Variants in TKTL2 observed in about 807,000 individuals in gnomAD.
TKTL2 encodes transketolase-like protein 2.
For missense variants in TKTL2, 825 were observed against 799.4 expected (o/e 1.03, Z -0.39); for synonymous variants, 259 against 294.1 (o/e 0.88, Z 1.22).
chr4:163,472,559 AG>A lies in TKTL2; in HGVS notation c.1175del (p.Ala392ValfsTer47). On this transcript the variant is annotated frameshift_variant, in exon 1 of 1. Transcript: ENST00000280605. LOFTEE classifies it low-confidence loss of function (END_TRUNC). Reference protein sequence around the residue: ...TRGRTIAFAGAFAAFFTRAFD... With the variant: ...TRGRTIAFAGXFAAFFTRAFD... ...ATGCTCTAGTAAAAAAGGCAGCAAA[AG>A]CACCAGCAAAAGCAATGGTTCGACC... 1 of 1,614,182 alleles carries A rather than the reference AG, an allele frequency of 6.2e-7. No individual in the cohort carries two copies. Among genetic ancestry groups the A allele is most frequent in the Non-Finnish European group, 8.5e-7 (1 of 1,180,040 alleles).
rs892515607 is a variant in TKTL2 at position 163,473,523 on chromosome 4, C to T, written c.212G>A (p.Arg71Gln). 6 of 1,613,838 alleles carry T rather than the reference C, an allele frequency of 3.7e-6. No homozygotes were observed. Among genetic ancestry groups the T allele is most frequent in the African/African-American group, 1.3e-5 (1 of 74,884 alleles). Residue 71 changes from arginine (R) to glutamine (Q), a missense_variant, in exon 1 of 1, where the codon CGG becomes CAG. Physicochemically the swap from Arg to Gln is conservative, Grantham distance 43 (BLOSUM62 1). Coordinates refer to ENST00000280605, the MANE Select transcript of TKTL2 (RefSeq NM_032136.5). Reference sequence around the variant, plus strand: ...AGCATGTCCCCTGGAGAGGATGAACCGGTCGTTGTCCGGGTGTTCTGGGTC... The same window carrying T: ...AGCATGTCCCCTGGAGAGGATGAACTGGTCGTTGTCCGGGTGTTCTGGGTC... Reference protein sequence around the residue: ...QTDPEHPDNDRFILSRGHAAP... With the variant: ...QTDPEHPDNDQFILSRGHAAP...
Position 163,471,605 on chromosome 4 carries a change from A to G in TKTL2, c.*249T>C. 1 of 302,542 alleles carries G rather than the reference A, an allele frequency of 3.3e-6. No individual in the cohort carries two copies. The highest frequency in any genetic ancestry group is 6.0e-6 in the Non-Finnish European group (1 of 166,694). The allele number at this position is 302,542 out of a possible 1,614,324, so 18.7% of individuals were successfully genotyped here. A position where few individuals can be genotyped will look rare whatever the true frequency, so the allele number is the denominator to read the frequency against. On this transcript the variant is annotated 3_prime_UTR_variant, in exon 1 of 1. Transcript: ENST00000280605. ...AGGTAGTTGTTTTATTTCCTATTCT[A>G]TTGCTTACAATTTTAAAATCCACAT...
rs745756119 is a variant in TKTL2, at chr4:163,473,447, A to T, written c.288T>A (p.Ser96=). 7.4e-6 allele frequency: 12 copies of T among 1,614,016 alleles called. No individual in the cohort carries two copies. Among genetic ancestry groups the T allele is most frequent in the Non-Finnish European group, 1.0e-5 (12 of 1,180,016 alleles). The change falls in exon 1 of 1, where the codon TCT becomes TCA. Residue 96 remains serine, a synonymous_variant. Transcript: ENST00000280605. ...GAAGTTTCCTCAGGTTCAGCAAGTC[A>T]GATTCACTGATGTCACCCACCTCCA... ...AWVEVGDISE[S]DLLNLRKLHS...
At position 163,472,432 on chromosome 4, in the gene TKTL2, G is replaced by C; in HGVS notation, c.1303C>G (p.Leu435Val). The change falls in exon 1 of 1, where the codon CTG becomes GTG. Residue 435 changes from leucine (L) to valine (V), a missense_variant. Leu to Val is a conservative substitution (Grantham distance 32). Transcript: ENST00000280605. ...CTTCGGAACATGGCTAGATCCTCCA[G>C]GGCCATCTGGGAGACTCCATCTTCT... ...TGEDGVSQMA[L>V]EDLAMFRSIP... 6.2e-7 allele frequency: 1 copy of C among 1,613,968 alleles called. No homozygotes were observed. The highest frequency in any genetic ancestry group is 8.5e-7 in the Non-Finnish European group (1 of 1,179,936).
rs776092856 is a variant in TKTL2 at position 163,473,394 on chromosome 4, G to C, written c.341C>G (p.Pro114Arg). 35 of 1,613,788 alleles carry C rather than the reference G, an allele frequency of 2.2e-5. No homozygotes were observed. Among genetic ancestry groups the C allele is most frequent in the African/African-American group, 1.6e-4 (12 of 74,850 alleles). Reference sequence around the variant, plus strand: ...TGCCACGTCAACAAACGGCAATCGGGGGGTAGGGTGTCTCTCCAAGTCGCT... The same window carrying C: ...TGCCACGTCAACAAACGGCAATCGGCGGGTAGGGTGTCTCTCCAAGTCGCT... ...LHSDLERHPT[P>R]RLPFVDVATG... The change falls in exon 1 of 1, where the codon CCC (proline) becomes CGC (arginine). Residue 114 changes from proline (P) to arginine (R), a missense_variant. Transcript: ENST00000280605.
At position 163,472,314 on chromosome 4, in the gene TKTL2, A is replaced by G. The variant is rs1159037475; in HGVS notation, c.1421T>C (p.Ile474Thr). 6.2e-7 allele frequency: 1 copy of G among 1,605,848 alleles called. No individual in the cohort carries two copies. The highest frequency in any genetic ancestry group is 1.1e-5 in the South Asian group (1 of 89,328). Residue 474 changes from isoleucine to threonine, a missense_variant, in exon 1 of 1, where the codon ATT (isoleucine) becomes ACT (threonine). By Grantham distance (89) the Ile-to-Thr change is moderately conservative. Coordinates refer to ENST00000280605, the MANE Select transcript of TKTL2 (RefSeq NM_032136.5). ...TGCAGTTTCTGGTTGGCTGGTTCGA[A>G]TGAAGCACATTCCCTTGGTATTGGC... The part of the protein sequence containing the change: ...LAANTKGMCF[I>T]RTSQPETAVI...
Position 163,472,872 on chromosome 4 carries a change from A to G in TKTL2, c.863T>C (p.Leu288Pro). 1 of 1,593,262 alleles carries G rather than the reference A, an allele frequency of 6.3e-7. No homozygotes were observed. The highest frequency in any genetic ancestry group is 8.5e-7 in the Non-Finnish European group (1 of 1,170,668). The stretch of plus-strand genomic sequence containing the variant: ...GTCTTCCACAGGCGATTTTGGTATG[A>G]GATTCTCATTGGTCTGTATCTGACT... ...IESQIQTNEN[L>P]IPKSPVEDSP... The change falls in exon 1 of 1, where the codon CTC becomes CCC. Residue 288 changes from leucine (L) to proline (P), a missense_variant. Transcript: ENST00000280605.
chr4:163,473,430 C>T lies in TKTL2; in HGVS notation c.305G>A (p.Arg102Lys), dbSNP rs1180998242. The T allele has an allele frequency of 6.2e-7, 1 of 1,613,956 alleles. No individual in the cohort carries two copies. The highest frequency in any genetic ancestry group is 8.5e-7 in the Non-Finnish European group (1 of 1,180,016). ...DISESDLLNL[R>K]KLHSDLERHP... Reference sequence around the variant, plus strand: ...TCTCTCCAAGTCGCTGTGAAGTTTCCTCAGGTTCAGCAAGTCAGATTCACT... The same window carrying T: ...TCTCTCCAAGTCGCTGTGAAGTTTCTTCAGGTTCAGCAAGTCAGATTCACT... Residue 102 changes from arginine (R) to lysine (K), a missense_variant, in exon 1 of 1, where the codon AGG becomes AAG. By Grantham distance (26) the Arg-to-Lys change is conservative. Coordinates refer to ENST00000280605, the MANE Select transcript of TKTL2 (RefSeq NM_032136.5).
At position 163,472,512 on chromosome 4, in the gene TKTL2, G is replaced by T. The variant is rs1737186696; in HGVS notation, c.1223C>A (p.Ala408Asp). Residue 408 changes from alanine (A) to aspartate (D), a missense_variant, in exon 1 of 1, where the codon GCC (alanine) becomes GAC (aspartate). By Grantham distance (126) the Ala-to-Asp change is moderately radical (BLOSUM62 -2). Transcript: ENST00000280605. ...AAGGTTGATATTGGCTTGAGAAATG[G>T]CTCCCATTCGGAGCTGATCGAATGC... ...TRAFDQLRMGAISQANINLIG... is the reference protein window; with the variant it reads ...TRAFDQLRMGDISQANINLIG... 1 of 1,614,018 alleles carries T rather than the reference G, an allele frequency of 6.2e-7. No individual in the cohort carries two copies. Among genetic ancestry groups the T allele is most frequent in the African/African-American group, 1.3e-5 (1 of 74,916 alleles).
Position 163,473,399 on chromosome 4 carries a change from A to G in TKTL2, c.336T>C (p.Pro112=). 1 of 1,613,884 alleles carries G rather than the reference A, an allele frequency of 6.2e-7. No homozygotes were observed. The highest frequency in any genetic ancestry group is 1.1e-5 in the South Asian group (1 of 91,046). Residue 112 remains proline, a synonymous_variant, in exon 1 of 1, where the codon CCT becomes CCC. Transcript: ENST00000280605. ...CGTCAACAAACGGCAATCGGGGGGT[A>G]GGGTGTCTCTCCAAGTCGCTGTGAA... ...RKLHSDLERH[P]TPRLPFVDVA...
rs766708597 is a variant in TKTL2, at chr4:163,473,413, A to T, written c.322T>A (p.Leu108Met). Residue 108 changes from leucine to methionine, a missense_variant, in exon 1 of 1, where the codon TTG becomes ATG. By Grantham distance (15) the Leu-to-Met change is conservative (BLOSUM62 2). Transcript: ENST00000280605. ...AATCGGGGGGTAGGGTGTCTCTCCA[A>T]GTCGCTGTGAAGTTTCCTCAGGTTC... The part of the protein sequence containing the change: ...LLNLRKLHSD[L>M]ERHPTPRLPF... 3.1e-6 allele frequency: 5 copies of T among 1,613,874 alleles called. No individual in the cohort carries two copies. In the South Asian group the frequency reaches 4.4e-5, roughly 14 times the overall value.
chr4:163,472,320 C>T lies in TKTL2; in HGVS notation c.1415G>A (p.Cys472Tyr), dbSNP rs1400598636. 5 of 1,604,312 alleles carry T rather than the reference C, an allele frequency of 3.1e-6. No individual in the cohort carries two copies. The highest frequency in any genetic ancestry group is 2.2e-5 in the East Asian group (1 of 44,824). ...TTCTGGTTGGCTGGTTCGAATGAAG[C>T]ACATTCCCTTGGTATTGGCGGCTAG... The part of the protein sequence containing the change: ...IYLAANTKGM[C>Y]FIRTSQPETA... Residue 472 changes from cysteine to tyrosine, a missense_variant, in exon 1 of 1, where the codon TGC becomes TAC. Cys to Tyr is a radical substitution (Grantham distance 194). Coordinates refer to ENST00000280605, the MANE Select transcript of TKTL2 (RefSeq NM_032136.5).
In TKTL2 at chr4:163,471,657, T is replaced by C; in HGVS notation, c.*197A>G. On this transcript the variant is annotated 3_prime_UTR_variant, in exon 1 of 1. Transcript: ENST00000280605. ...AATAACTCAGAGTAACATTTATACA[T>C]AGATTAACAGAAAGGTAAACTTTAA... is the stretch of plus-strand genomic sequence containing the variant. 1 of 416,470 alleles carries C rather than the reference T, an allele frequency of 2.4e-6. No individual in the cohort carries two copies. Among genetic ancestry groups the C allele is most frequent in the East Asian group, 3.7e-5 (1 of 27,056 alleles). The allele number at this position is 416,470 out of a possible 1,614,324, so 25.8% of individuals were successfully genotyped here. A position where few individuals can be genotyped will look rare whatever the true frequency, so the allele number is the denominator to read the frequency against.
rs1270341655 is a variant in TKTL2, at chr4:163,471,574, T to C, written c.*280A>G. ...TATTTGTAGTCTTATCAGAAATATT[T>C]GTATTAGGTAGTTGTTTTATTTCCT... On this transcript the variant is annotated 3_prime_UTR_variant, in exon 1 of 1. Coordinates refer to ENST00000280605, the MANE Select transcript of TKTL2 (RefSeq NM_032136.5). 4.4e-6 allele frequency: 1 copy of C among 229,030 alleles called. No individual in the cohort carries two copies. Among genetic ancestry groups the C allele is most frequent in the Admixed American group, 5.6e-5 (1 of 17,752 alleles). The allele number at this position is 229,030 out of a possible 1,614,324, so 14.2% of individuals were successfully genotyped here. A position where few individuals can be genotyped will look rare whatever the true frequency, so the allele number is the denominator to read the frequency against.
In TKTL2 at chr4:163,472,422, A is replaced by G. The variant is rs561816312; in HGVS notation, c.1313T>C (p.Leu438Pro). ...DGVSQMALED[L>P]AMFRSIPNCT... Reference sequence around the variant, plus strand: ...ATTGGGAATGCTTCGGAACATGGCTAGATCCTCCAGGGCCATCTGGGAGAC... The same window carrying G: ...ATTGGGAATGCTTCGGAACATGGCTGGATCCTCCAGGGCCATCTGGGAGAC... The change falls in exon 1 of 1, where the codon CTA becomes CCA. Residue 438 changes from leucine to proline, a missense_variant. By Grantham distance (98) the Leu-to-Pro change is moderately conservative. Transcript: ENST00000280605. The G allele has an allele frequency of 1.9e-6, 3 of 1,613,546 alleles. No homozygotes were observed. The highest frequency in any genetic ancestry group is 1.7e-5 in the Admixed American group (1 of 59,946).
Position 163,472,521 on chromosome 4 carries a change from C to A in TKTL2, c.1214G>T (p.Arg405Leu), listed in dbSNP as rs115895686. Residue 405 changes from arginine (R) to leucine (L), a missense_variant, in exon 1 of 1, where the codon CGA (arginine) becomes CTA (leucine). Coordinates refer to ENST00000280605, the MANE Select transcript of TKTL2 (RefSeq NM_032136.5). ...AFFTRAFDQL[R>L]MGAISQANIN... Reference sequence around the variant, plus strand: ...ATTGGCTTGAGAAATGGCTCCCATTCGGAGCTGATCGAATGCTCTAGTAAA... The same window carrying A: ...ATTGGCTTGAGAAATGGCTCCCATTAGGAGCTGATCGAATGCTCTAGTAAA... The A allele has an allele frequency of 3.1e-6, 5 of 1,614,098 alleles. No homozygotes were observed. Among genetic ancestry groups the A allele is most frequent in the Middle Eastern group, 1.6e-4 (1 of 6,062 alleles).
Position 163,471,944 on chromosome 4 carries a change from A to C in TKTL2, c.1791T>G (p.Pro597=). 6.2e-7 allele frequency: 1 copy of C among 1,609,392 alleles called. No homozygotes were observed. Among genetic ancestry groups the C allele is most frequent in the Non-Finnish European group, 8.5e-7 (1 of 1,177,820 alleles). The change falls in exon 1 of 1, where the codon CCT becomes CCG. Residue 597 remains proline, a synonymous_variant. Transcript: ENST00000280605. Reference sequence around the variant, plus strand: ...GCAATTCACTAGTTTTCCCACGTTGAGGCACTCCTGACACTGCCAGTTGAT... The same window carrying C: ...GCAATTCACTAGTTTTCCCACGTTGCGGCACTCCTGACACTGCCAGTTGAT... ...LVHQLAVSGV[P]QRGKTSELLD...
At position 163,471,948 on chromosome 4, in the gene TKTL2, A is replaced by C; in HGVS notation, c.1787T>G (p.Val596Gly). 1 of 1,610,034 alleles carries C rather than the reference A, an allele frequency of 6.2e-7. No individual in the cohort carries two copies. Among genetic ancestry groups the C allele is most frequent in the Non-Finnish European group, 8.5e-7 (1 of 1,178,130 alleles). ...ILVHQLAVSG[V>G]PQRGKTSELL... The stretch of plus-strand genomic sequence containing the variant: ...TTCACTAGTTTTCCCACGTTGAGGC[A>C]CTCCTGACACTGCCAGTTGATGAAC... The change falls in exon 1 of 1, where the codon GTG (valine) becomes GGG (glycine). Residue 596 changes from valine to glycine, a missense_variant. Coordinates refer to ENST00000280605, the MANE Select transcript of TKTL2 (RefSeq NM_032136.5).
chr4:163,472,420 C>A lies in TKTL2; in HGVS notation c.1315G>T (p.Ala439Ser), dbSNP rs1225550175. Residue 439 changes from alanine to serine, a missense_variant, in exon 1 of 1, where the codon GCC becomes TCC. Physicochemically the swap from Ala to Ser is moderately conservative, Grantham distance 99. Transcript: ENST00000280605. ...GVSQMALEDL[A>S]MFRSIPNCTV... ...CAATTGGGAATGCTTCGGAACATGG[C>A]TAGATCCTCCAGGGCCATCTGGGAG... 6.2e-7 allele frequency: 1 copy of A among 1,613,210 alleles called. No homozygotes were observed. Among genetic ancestry groups the A allele is most frequent in the East Asian group, 2.2e-5 (1 of 44,876 alleles).
Sources: gnomAD v4.1 joint callset for allele counts on GRCh38, gnomAD v4.1.1 for gene constraint, MANE v1.5 for transcripts, NCBI Gene and HGNC (gene_info 2026-07-23, HGNC 2026-07-21) for gene names.